PLCE1: variants seen among roughly 807,000 people sequenced by gnomAD.
The protein encoded by PLCE1 is 1-phosphatidylinositol 4,5-bisphosphate phosphodiesterase epsilon-1.
Under a neutral mutation model 242.8 loss-of-function variants are expected in PLCE1, and 119 were observed. That is an observed-to-expected ratio of 0.49 (90% confidence interval 0.42 to 0.57). The LOEUF (loss-of-function observed/expected upper bound fraction) is 0.57. Ranked by LOEUF, PLCE1 falls within the 20% of genes least tolerant of loss-of-function variation. The pLI, the probability that PLCE1 is intolerant of heterozygous loss-of-function variation, is 0.00. For synonymous variants in PLCE1, 945 were observed against 1,017.4 expected (o/e 0.93, Z 1.35); for missense variants, 2,441 against 2,788.8 (o/e 0.88, Z 2.81).
At chr10:94,243,742 A>G (rs1038324649) in intron 7 of PLCE1, among the ~76,000 whole-genome samples, 1 of 152,186 alleles carries the variant, frequency 6.6e-6, no homozygotes, top group Non-Finnish European at 1.5e-5. Context: ...AGAGAAAACT[A>G]CTATTATAAG....
chr10:94,113,406 C>T (rs1050780786), intron 2 of PLCE1, among the ~76,000 whole-genome samples: 2 of 151,880 alleles, frequency 1.3e-5, no homozygotes, highest in Non-Finnish European at 2.9e-5. Context: ...AAAATGGGGA[C>T]AATAACTGAG....
At chr10:94,028,046 C>G (rs2061486126) in intron 1 of PLCE1, among the ~76,000 whole-genome samples, 1 of 152,108 alleles carries the variant, frequency 6.6e-6, no homozygotes, top group Admixed American at 6.6e-5. Context: ...GTGGAGGGAT[C>G]TTTGGCAATT....
chr10:94,132,853 G>A (rs2135916728), intron 3 of PLCE1, among the ~76,000 whole-genome samples: 1 of 151,710 alleles, frequency 6.6e-6, no homozygotes, highest in East Asian at 2.0e-4. Flanking sequence ...GGGAGGCTGA[G>A]GCAGGAGAAT....
chr10:94,149,250 C>A (rs763307098), intron 3 of PLCE1, among the ~76,000 whole-genome samples: 1 of 152,120 alleles, frequency 6.6e-6, no homozygotes, highest in Non-Finnish European at 1.5e-5. Context: ...CCAGAGCAGC[C>A]CAGAAGGTGG....
chr10:94,046,422 C>T (rs2061884828), intron 2 of PLCE1, among the ~76,000 whole-genome samples: 1 of 152,196 alleles, frequency 6.6e-6, no homozygotes, highest in African/African-American at 2.4e-5. Context: ...GGAATTGAGC[C>T]AGGAACCCCA....
chr10:94,109,045 T>G (rs1210510989), intron 2 of PLCE1: 1 of 152,234 alleles, frequency 6.6e-6, no homozygotes, highest in African/African-American at 2.4e-5. Flanking sequence ...ACCCAGGTCC[T>G]CTGATTCCCA....
At chr10:94,158,583 A>G (rs1046631696) in intron 3 of PLCE1, among the ~76,000 whole-genome samples, 1 of 152,142 alleles carries the variant, frequency 6.6e-6, no homozygotes, top group Non-Finnish European at 1.5e-5. Flanking sequence ...ATAAAGTTAT[A>G]TTTACAAGAT....
intron 3 of PLCE1, among the ~76,000 whole-genome samples, chr10:94,149,845 G>T (rs2047219970): frequency 6.6e-6 from 1 of 152,166 alleles, no homozygotes; most frequent in Non-Finnish European, 1.5e-5. Context: ...GACAGCAGGG[G>T]CTGGGCAGTC....
At chr10:94,201,475 AT>A (rs1378180107) in intron 4 of PLCE1, among the ~76,000 whole-genome samples, 1 of 152,160 alleles carries the variant, frequency 6.6e-6, no homozygotes, top group Non-Finnish European at 1.5e-5. Context: ...TTTAATCTTG[AT>A]GAAGTTTTTA....
chr10:94,049,574 AC>A (rs1398001174), intron 2 of PLCE1, among the ~76,000 whole-genome samples: 1 of 151,246 alleles, frequency 6.6e-6, no homozygotes, highest in Non-Finnish European at 1.5e-5. Context: ...CCCTTTAGTT[AC>A]CCTGTCTGTC....
chr10:94,194,229 GC>G (rs879814481), intron 4 of PLCE1, among the ~76,000 whole-genome samples: 7 of 152,170 alleles, frequency 4.6e-5, no homozygotes, highest in African/African-American at 1.2e-4. Flanking sequence ...TTCTTAATTT[GC>G]CTAGTTTCTG....
At chr10:94,012,296 G>A (rs72812648) in intron 1 of PLCE1, among the ~76,000 whole-genome samples, 4 of 152,002 alleles carry the variant, frequency 2.6e-5, no homozygotes, top group Non-Finnish European at 5.9e-5. Flanking sequence ...TCAGACACAT[G>A]CCTATGGAAT....
At chr10:94,270,626 G>A (rs369046773) in intron 18 of PLCE1, 24 bp downstream of exon 18, 21 of 1,355,672 alleles carry the variant, frequency 1.5e-5, no homozygotes, top group Non-Finnish European at 1.9e-5. Flanking sequence ...AAAAAGGCAG[G>A]ATGGTATGTT....
intron 2 of PLCE1, chr10:94,105,934 G>A (rs1414288240): frequency 4.6e-5 from 7 of 152,008 alleles, no homozygotes; most frequent in East Asian, 3.9e-4. Flanking sequence ...GTGTTAACTC[G>A]TTTAATTCAC....
chr10:94,074,379 A>C (rs1180000427), intron 2 of PLCE1, among the ~76,000 whole-genome samples: 2 of 151,404 alleles, frequency 1.3e-5, no homozygotes, highest in Non-Finnish European at 2.9e-5. Flanking sequence ...TTTCATTTTT[A>C]TTTTTTGTAG....
At position 94,283,052 on chromosome 10, in the gene PLCE1, G is replaced by C. The variant is rs552887941; in HGVS notation, c.4796-738G>C. 2.6e-5 allele frequency: 4 copies of C among 152,226 alleles called. No individual in the cohort carries two copies. In the East Asian group the frequency reaches 7.7e-4, roughly 29 times the overall value. The allele number at this position is 152,226 out of a possible 1,614,324, so 9.4% of individuals were successfully genotyped here. On this transcript the variant is annotated intron_variant, in intron 20 of 32. Transcript: ENST00000371380. ...CTCTGATGATGCGATACTAAATCTT[G>C]AGTGAGAAATTAGCTTTCTTGTTTT...
chr10:94,166,613 T>TGTGTGTGTGTGTGG, intron 3 of PLCE1, among the ~76,000 whole-genome samples: 2 of 143,212 alleles, frequency 1.4e-5, no homozygotes, highest in African/African-American at 2.5e-5. Flanking sequence ...TGTGTGTGTG[T>TGTGTGTGTGTGTGG]AGAAATATGT....
chr10:94,162,677 C>T (rs185080498), intron 3 of PLCE1, among the ~76,000 whole-genome samples: 1 of 152,000 alleles, frequency 6.6e-6, no homozygotes, highest in African/African-American at 2.4e-5. Flanking sequence ...CTGATCTTAG[C>T]TATTTCTTGC....
At chr10:94,187,793 A>G (rs1200730589) in intron 4 of PLCE1, among the ~76,000 whole-genome samples, 2 of 152,196 alleles carry the variant, frequency 1.3e-5, no homozygotes, top group African/African-American at 4.8e-5. Context: ...CGCGAACACA[A>G]GTTTCATTCC....
Sources: gnomAD v4.1 joint callset for allele counts (sites outside exome capture counted in the v4.1 genomes callset) on GRCh38, gnomAD v4.1.1 for gene constraint, MANE v1.5 for transcripts, NCBI Gene and HGNC (gene_info 2026-07-23, HGNC 2026-07-21) for gene names.